The following DDOST variants were observed in gnomAD, a reference collection of about 807,000 sequenced individuals.
The protein encoded by DDOST is dolichyl-diphosphooligosaccharide--protein glycosyltransferase 48 kDa subunit.
In DDOST, 25 loss-of-function variants were observed where a neutral mutation model predicts 47.6. The observed-to-expected ratio is 0.53, with a 90% CI of 0.38 to 0.73. The LOEUF (loss-of-function observed/expected upper bound fraction) is 0.73, where lower values mean the gene tolerates loss of function less well. Among genes scored for constraint, DDOST ranks in the 30% least tolerant of loss-of-function variants. The probability of loss-of-function intolerance (pLI) is 0.00; values close to 1 mark genes in which losing one functional copy is unlikely to be tolerated. For synonymous variants in DDOST, 275 were observed against 236.0 expected, an observed-to-expected ratio of 1.17 and a Z score of -1.51; for missense variants, 526 against 573.9, an observed-to-expected ratio of 0.92 and a Z score of 0.85.
Position 20,652,654 on chromosome 1 carries a change from C to T in DDOST, c.1137G>A (p.Arg379=). The T allele has an allele frequency of 1.2e-6, 2 of 1,614,208 alleles. No individual in the cohort carries two copies. The highest frequency in any genetic ancestry group is 2.7e-5 in the African/African-American group (2 of 75,048). Residue 379 remains arginine, a synonymous_variant, in exon 10 of 11, where the codon CGG becomes CGA. Coordinates refer to ENST00000602624, the MANE Select transcript of DDOST (RefSeq NM_005216.5). The part of the protein sequence containing the change: ...GVFQFKVDYN[R]LGYTHLYSST... ...AAGAGTACAGGTGTGTGTAGCCTAG[C>T]CGGTTGTAATCCACTTTAAACTGGA...
Position 20,652,211 on chromosome 1 carries a change from AT to A in DDOST, c.*167del. On this transcript the variant is annotated 3_prime_UTR_variant, in exon 11 of 11. Coordinates refer to ENST00000602624, the MANE Select transcript of DDOST (RefSeq NM_005216.5). ...TTCAAAGTGGAAAAACTTCTTTTAT[AT>A]AAAAATTATCCCAACTCCCACCCCT... The A allele has an allele frequency of 1.6e-6, 1 of 618,290 alleles. No individual in the cohort carries two copies. The highest frequency in any genetic ancestry group is 1.9e-5 in the African/African-American group (1 of 53,570). 38.3% of individuals were successfully genotyped at this position (618,290 alleles called of 1,614,324 possible).
At chr1:20,654,762 A>G (rs559289931) in intron 5 of DDOST, 55 bp from the exon 6 acceptor site, 5 of 1,220,862 alleles carry the variant, frequency 4.1e-6, no homozygotes, top group Non-Finnish European at 4.7e-6. Context: ...GCCCAAGGAC[A>G]TGGGATCCCC....
rs6692016 is a variant in DDOST at position 20,653,738 on chromosome 1, G to A, written c.831C>T (p.Ala277=). Residue 277 remains alanine, a synonymous_variant, in exon 8 of 11, where the codon GCC becomes GCT. Transcript: ENST00000602624. ...SQTGNYELAV[A]LSRWVFKEEG... ...CCTCCTTGAACACCCAGCGGGAGAGGGCCACAGCTAGTTCATAGTTGCCTG... is the reference window on the plus strand; with the variant it reads ...CCTCCTTGAACACCCAGCGGGAGAGAGCCACAGCTAGTTCATAGTTGCCTG... The A allele has an allele frequency of 8.2e-3, 13,198 of 1,613,924 alleles. 403 individuals carry two copies. The highest frequency in any genetic ancestry group is 0.072 in the African/African-American group (5,392 of 74,998).
rs370271055 is a variant in DDOST, at chr1:20,656,129, A to G, written c.324T>C (p.Ser108=). The change falls in exon 3 of 11, where the codon AGT becomes AGC. Residue 108 remains serine (S), a synonymous_variant. Transcript: ENST00000602624. ...TISAFIDGGG[S]VLVAASSDIG... ...TGTCGGAGCTGGCAGCTACCAGCAC[A>G]CTGCCTCCGCCGTCAATAAAGGCAC... The G allele has an allele frequency of 1.6e-5, 26 of 1,614,046 alleles. No individual in the cohort carries two copies. The highest frequency in any genetic ancestry group is 1.3e-4 in the East Asian group (6 of 44,892).
At chr1:20,659,529 A>G (rs138154310) in intron 2 of DDOST, among the ~76,000 whole-genome samples, 148 of 152,306 alleles carry the variant, frequency 9.7e-4, no homozygotes, top group African/African-American at 3.5e-3. Context: ...ACTGTAAGGT[A>G]CCTATTTCAA....
At position 20,651,853 on chromosome 1, in the gene DDOST, C is replaced by T. The variant is rs886045855; in HGVS notation, c.*526G>A. On this transcript the variant is annotated 3_prime_UTR_variant, in exon 11 of 11. Transcript: ENST00000602624. ...TATTTATTTATATTTGAGACAGAGT[C>T]TTAACACTGTTGCCCAGGCTGGAGT... is the stretch of plus-strand genomic sequence containing the variant. 2.2e-5 allele frequency: 3 copies of T among 136,784 alleles called. No individual in the cohort carries two copies. The highest frequency in any genetic ancestry group is 4.7e-5 in the Non-Finnish European group (3 of 63,576). The allele number at this position is 136,784 out of a possible 1,614,324, so 8.5% of individuals were successfully genotyped here. A position where few individuals can be genotyped will look rare whatever the true frequency, so the allele number is the denominator to read the frequency against.
At position 20,655,180 on chromosome 1, in the gene DDOST, T is replaced by G. The variant is rs542220647; in HGVS notation, c.551+260A>C. Among the ~76,000 whole-genome samples, 28,711 of 149,570 alleles carry G rather than the reference T, an allele frequency of 0.19. 2,886 individuals carry two copies. Among genetic ancestry groups the G allele is most frequent in the Non-Finnish European group, 0.2 (13,517 of 67,462 alleles). ...CGGCCAACTTTTTTTTGTTTTTTTT[T>G]TTTTTTTTTTTTTTTAAAGAGAGGA... On this transcript the variant is annotated intron_variant, in intron 5 of 10. Transcript: ENST00000602624.
In DDOST at chr1:20,651,809, A is replaced by C. The variant is rs201851194; in HGVS notation, c.*570T>G. On this transcript the variant is annotated 3_prime_UTR_variant, in exon 11 of 11. Transcript: ENST00000602624. The stretch of plus-strand genomic sequence containing the variant: ...GCAACATCTCGCTTTATTTTTATTT[A>C]TTTATTTATTTATTTATTTATTTAT... 1 of 53,164 alleles carries C rather than the reference A, an allele frequency of 1.9e-5. No homozygotes were observed. The highest frequency in any genetic ancestry group is 4.4e-5 in the Non-Finnish European group (1 of 22,920). The allele number at this position is 53,164 out of a possible 1,614,324, so 3.3% of individuals were successfully genotyped here. A position where few individuals can be genotyped will look rare whatever the true frequency, so the allele number is the denominator to read the frequency against.
chr1:20,655,291 T>C (rs2053359246), intron 5 of DDOST, 149 bp downstream of exon 5: 3 of 609,914 alleles, frequency 4.9e-6, no homozygotes, highest in Non-Finnish European at 8.7e-6. Flanking sequence ...GGATTACAGG[T>C]TGAGCCACTA....
At chr1:20,659,059 T>C (rs2053407592) in intron 2 of DDOST, among the ~76,000 whole-genome samples, 1 of 151,966 alleles carries the variant, frequency 6.6e-6, no homozygotes, top group South Asian at 2.1e-4. Flanking sequence ...GGTCTCACTA[T>C]GTTGCCCAGG....
At chr1:20,654,466 G>A (rs1029449037) in intron 6 of DDOST, 95 bp from the exon 7 acceptor site, 19 of 1,452,276 alleles carry the variant, frequency 1.3e-5, no homozygotes, top group East Asian at 2.5e-5. Flanking sequence ...AGACCAAAAC[G>A]ACCCTGGCCC....
Position 20,651,801 on chromosome 1 carries a change from T to TTTTTTTTATATTTATTTA in DDOST, c.*577_*578insTAAATAAATATAAAAAAA. On this transcript the variant is annotated 3_prime_UTR_variant, in exon 11 of 11. Transcript: ENST00000602624. ...GTTTGAGGGCAACATCTCGCTTTAT[T>TTTTTTTTATATTTATTTA]TTTATTTATTTATTTATTTATTTAT... 6.8e-6 allele frequency: 1 copy of TTTTTTTTATATTTATTTA among 147,210 alleles called. No individual in the cohort carries two copies. Among genetic ancestry groups the TTTTTTTTATATTTATTTA allele is most frequent in the South Asian group, 2.2e-4 (1 of 4,512 alleles). 9.1% of individuals were successfully genotyped at this position (147,210 alleles called of 1,614,324 possible). A position where few individuals can be genotyped will look rare whatever the true frequency, so the allele number is the denominator to read the frequency against.
chr1:20,655,558 G>C, intron 4 of DDOST, 24 bp from the exon 5 acceptor site: 2 of 1,609,452 alleles, frequency 1.2e-6, no homozygotes, highest in Non-Finnish European at 8.5e-7. Context: ...ATGGAAAGGT[G>C]GGTGGTCAGG....
At position 20,654,204 on chromosome 1, in the gene DDOST, T is replaced by C. The variant is rs1436493932; in HGVS notation, c.794+19A>G. Reference sequence around the variant, plus strand: ...CTGCACCACCCGGATCCCCGGCCCCTAAGCCTCCTGGCAGCTACCTCTGGG... The same window carrying C: ...CTGCACCACCCGGATCCCCGGCCCCCAAGCCTCCTGGCAGCTACCTCTGGG... On this transcript the variant is annotated intron_variant, in intron 7 of 10. Transcript: ENST00000602624. 2 of 1,549,996 alleles carry C rather than the reference T, an allele frequency of 1.3e-6. No homozygotes were observed. The highest frequency in any genetic ancestry group is 1.7e-6 in the Non-Finnish European group (2 of 1,146,850).
intron 6 of DDOST, 109 bp from the exon 7 acceptor site, chr1:20,654,480 C>A: frequency 7.0e-7 from 1 of 1,428,330 alleles, no homozygotes; most frequent in South Asian, 1.3e-5. Context: ...CTGGCCCTAC[C>A]TGAAGGGGGA....
At chr1:20,658,983 G>T (rs1167471794) in intron 2 of DDOST, among the ~76,000 whole-genome samples, 1 of 150,506 alleles carries the variant, frequency 6.6e-6, no homozygotes, top group African/African-American at 2.4e-5. Context: ...AGCTTCCCCA[G>T]TAGCTGGGAC....
In DDOST at chr1:20,652,387, ACTTCTC is replaced by A. The variant is rs1464771801; in HGVS notation, c.1306_1311del (p.Glu436_Lys437del). 2 of 1,612,012 alleles carry A rather than the reference ACTTCTC, an allele frequency of 1.2e-6. No individual in the cohort carries two copies. Among genetic ancestry groups the A allele is most frequent in the Admixed American group, 1.7e-5 (1 of 59,706 alleles). ...GAGAGGGCTCTAGCCCCTCAGTCGG[ACTTCTC>A]CTTCTCCTTCATGTGCAAGAAGACG... is the stretch of plus-strand genomic sequence containing the variant. On this transcript the variant is annotated inframe_deletion, in exon 11 of 11. Coordinates refer to ENST00000602624, the MANE Select transcript of DDOST (RefSeq NM_005216.5).
At chr1:20,652,813 C>CA (rs760581266) in intron 9 of DDOST, 38 bp downstream of exon 9, 145 of 1,374,890 alleles carry the variant, frequency 1.1e-4, no homozygotes, top group Middle Eastern at 7.3e-4. Flanking sequence ...GGCCTGGGGC[C>CA]GTTTCTGGCA....
Position 20,652,746 on chromosome 1 carries a change from GAAT to G in DDOST, c.1064-22_1064-20del. On this transcript the variant is annotated intron_variant, in intron 9 of 10. Coordinates refer to ENST00000602624, the MANE Select transcript of DDOST (RefSeq NM_005216.5). ...TTGCCACCTGCGGAAGAACCAACAA[GAAT>G]AACCGGGAGGGGTTTCCCAGAGCTT... 1 of 1,613,966 alleles carries G rather than the reference GAAT, an allele frequency of 6.2e-7. No individual in the cohort carries two copies. Among genetic ancestry groups the G allele is most frequent in the South Asian group, 1.1e-5 (1 of 91,078 alleles).
Sources: gnomAD v4.1 joint callset for allele counts (sites outside exome capture counted in the v4.1 genomes callset) on GRCh38, gnomAD v4.1.1 for gene constraint, MANE v1.5 for transcripts, NCBI Gene and HGNC (gene_info 2026-07-23, HGNC 2026-07-21) for gene names.